The following TASOR2 variants were observed in gnomAD, a reference collection of about 807,000 sequenced individuals.
TASOR2 encodes transcription activation suppressor family member 2.
Under a neutral mutation model 199.5 loss-of-function variants are expected in TASOR2, and 84 were observed. That is an observed-to-expected ratio of 0.42 (90% CI 0.35 to 0.50). The LOEUF (loss-of-function observed/expected upper bound fraction) is 0.50, where lower values mean the gene tolerates loss of function less well. Among genes scored for constraint, TASOR2 ranks in the 20% least tolerant of loss-of-function variants. TASOR2 has a pLI of 0.02. For synonymous variants in TASOR2, 1,103 were observed against 1,046.6 expected (o/e 1.05, Z -1.04); for missense variants, 2,796 against 2,835.9 (o/e 0.99, Z 0.32).
chr10:5,739,489 A>G, intron 12 of TASOR2, 129 bp from the exon 14 acceptor site: 1 of 844,584 alleles, frequency 1.2e-6, no homozygotes. Context: ...CTAATAGAAA[A>G]TTTTAATATG....
In TASOR2 at chr10:5,689,921, A is replaced by T. The variant is rs1378702221; in HGVS notation, c.-288+4746A>T. Reference sequence around the variant, plus strand: ...GAACTAGTCTTTTGGAAGAGGGGGTAGAGTTTTTGACTACTCTTTTCATTT... The same window carrying T: ...GAACTAGTCTTTTGGAAGAGGGGGTTGAGTTTTTGACTACTCTTTTCATTT... On this transcript the variant is annotated intron_variant, in intron 1 of 20. Coordinates refer to ENST00000328090, the Ensembl canonical transcript of TASOR2. The surrounding 1 kb of genome is among the most constrained non-coding windows in gnomAD (Gnocchi z 4.1). Among the ~76,000 whole-genome samples the T allele has an allele frequency of 6.6e-6, 1 of 152,164 alleles. No homozygotes were observed. Among genetic ancestry groups the T allele is most frequent in the Admixed American group, 6.5e-5 (1 of 15,282 alleles).
At chr10:5,758,098 CTTAT>C (rs959303595) in intron 17 of TASOR2, among the ~76,000 whole-genome samples, 1 of 152,182 alleles carries the variant, frequency 6.6e-6, no homozygotes, top group Non-Finnish European at 1.5e-5. Flanking sequence ...ACTAAGTCAG[CTTAT>C]TTAATCATCT....
rs1833682078 is a variant in TASOR2, at chr10:5,723,789, T to G, written c.247+12T>G. ...CTTGGAGGAGAAAGGTCTGTTGAAATGTAATAACACGCTACTTGTCCTGGG... is the reference window on the plus strand; with the variant it reads ...CTTGGAGGAGAAAGGTCTGTTGAAAGGTAATAACACGCTACTTGTCCTGGG... On this transcript the variant is annotated intron_variant, in intron 7 of 20. Transcript: ENST00000328090. The G allele has an allele frequency of 6.4e-7, 1 of 1,564,300 alleles. No homozygotes were observed. The highest frequency in any genetic ancestry group is 1.4e-5 in the African/African-American group (1 of 73,604).
chr10:5,695,788 T>C (rs1171431135), intron 1 of TASOR2, among the ~76,000 whole-genome samples: 1 of 152,186 alleles, frequency 6.6e-6, no homozygotes, highest in Non-Finnish European at 1.5e-5. Context: ...AATTAGAGAA[T>C]GCTGAAAGCT....
At position 5,737,614 on chromosome 10, in the gene TASOR2, A is replaced by T. The variant is rs1486159464; in HGVS notation, c.1448-2004A>T. On this transcript the variant is annotated intron_variant, in intron 12 of 20. Transcript: ENST00000328090. The surrounding 1 kb of genome is among the most constrained non-coding windows in gnomAD (Gnocchi z 4.9). ...CAGGGAGGCGTTTTCTCATGTTGTG[A>T]CTGTAACTAATCTCTCACTTCTTTG... Among the ~76,000 whole-genome samples, 1 of 151,954 alleles carries T rather than the reference A, an allele frequency of 6.6e-6. No individual in the cohort carries two copies. Among genetic ancestry groups the T allele is most frequent in the Non-Finnish European group, 1.5e-5 (1 of 67,998 alleles).
intron 2 of TASOR2, among the ~76,000 whole-genome samples, chr10:5,716,788 A>T (rs1433722977): frequency 6.6e-6 from 1 of 151,902 alleles, no homozygotes; most frequent in African/African-American, 2.4e-5. Flanking sequence ...GGTGGCATGC[A>T]CCTGTAATCC....
In TASOR2 at chr10:5,740,801, T is replaced by A. The variant is rs1332564477; in HGVS notation, c.2327+304T>A. 6.6e-6 allele frequency among the ~76,000 whole-genome samples: 1 copy of A among 152,186 alleles called. No individual in the cohort carries two copies. Among genetic ancestry groups the A allele is most frequent in the East Asian group, 1.9e-4 (1 of 5,198 alleles). On this transcript the variant is annotated intron_variant, in intron 13 of 20. Coordinates refer to ENST00000328090, the Ensembl canonical transcript of TASOR2. This position sits in a 1 kb window ranked among gnomAD's most constrained non-coding sequence, Gnocchi z 5.3. ...TTTGAATTTCAATTTTTAGATGAGA[T>A]CTTAATGTAAAATAGTGTGAGATTT...
chr10:5,693,560 C>G (rs1287887505), intron 1 of TASOR2, among the ~76,000 whole-genome samples: 2 of 152,140 alleles, frequency 1.3e-5, no homozygotes, highest in African/African-American at 4.8e-5. Context: ...GTTTTCTCTA[C>G]ATTTTCTTCA....
rs1044231739 is a variant in TASOR2 at position 5,685,968 on chromosome 10, C to A, written c.-288+793C>A. On this transcript the variant is annotated intron_variant, in intron 1 of 20. Coordinates refer to ENST00000328090, the Ensembl canonical transcript of TASOR2. The surrounding 1 kb of genome is among the most constrained non-coding windows in gnomAD (Gnocchi z 5.4). ...TATTATTGGAATGGCATTCGCGATC[C>A]TAGAGTCTACAGTGTTCCCTGAATA... Among the ~76,000 whole-genome samples the A allele has an allele frequency of 1.3e-5, 2 of 152,160 alleles. No homozygotes were observed. Among genetic ancestry groups the A allele is most frequent in the African/African-American group, 4.8e-5 (2 of 41,436 alleles).
At chr10:5,708,735 T>C (rs1251759745) in intron 1 of TASOR2, among the ~76,000 whole-genome samples, 1 of 150,998 alleles carries the variant, frequency 6.6e-6, no homozygotes, top group Non-Finnish European at 1.5e-5. Flanking sequence ...ATGGTCTGGC[T>C]CTGTTACCCA....
chr10:5,730,283 G>A lies in TASOR2; in HGVS notation c.488-204G>A, dbSNP rs1834629304. 6.6e-6 allele frequency among the ~76,000 whole-genome samples: 1 copy of A among 152,086 alleles called. No homozygotes were observed. Among genetic ancestry groups the A allele is most frequent in the Admixed American group, 6.6e-5 (1 of 15,264 alleles). ...ATGATTCTTTTTCAGTTCAGTGTGT[G>A]TGTGTATGTAATTTCAAGTATATGG... On this transcript the variant is annotated intron_variant, in intron 10 of 20. Transcript: ENST00000328090. The surrounding 1 kb of genome is among the most constrained non-coding windows in gnomAD (Gnocchi z 4.1).
At chr10:5,756,406 A>G (rs1377942398) in intron 15 of TASOR2, among the ~76,000 whole-genome samples, 1 of 152,086 alleles carries the variant, frequency 6.6e-6, no homozygotes, top group Non-Finnish European at 1.5e-5. Context: ...TACTTTATTT[A>G]CCTTTGAAAT....
Position 5,748,095 on chromosome 10 carries a change from G to A in TASOR2, c.4674G>A (p.Glu1558=). 1 of 1,614,238 alleles carries A rather than the reference G, an allele frequency of 6.2e-7. No homozygotes were observed. The highest frequency in any genetic ancestry group is 8.5e-7 in the Non-Finnish European group (1 of 1,180,036). The change falls in exon 15 of 21, where the codon GAG becomes GAA. Residue 1558 remains glutamate, a synonymous_variant. Transcript: ENST00000328090. The surrounding 1 kb of genome is among the most constrained non-coding windows in gnomAD (Gnocchi z 5.1). ...ATCCATTGCAGCCAGTTAGTATAGA[G>A]AATAGAAATTTGGACTTAAAACATC...
At chr10:5,700,714 C>A (rs953796371) in intron 1 of TASOR2, among the ~76,000 whole-genome samples, 1 of 151,948 alleles carries the variant, frequency 6.6e-6, no homozygotes, top group Non-Finnish European at 1.5e-5. Context: ...CACCTCTTGG[C>A]CATTTTTATG....
chr10:5,759,071 C>T lies in TASOR2; in HGVS notation c.6992+79C>T, dbSNP rs1357209134. ...ACGCCTCATGTTCCATGGGCTCTAGCCTAGTGCTGCAGTGGAATGGCCTTC... is the reference window on the plus strand; with the variant it reads ...ACGCCTCATGTTCCATGGGCTCTAGTCTAGTGCTGCAGTGGAATGGCCTTC... On this transcript the variant is annotated intron_variant, in intron 18 of 20. Transcript: ENST00000328090. 3 of 972,138 alleles carry T rather than the reference C, an allele frequency of 3.1e-6. No individual in the cohort carries two copies. In the East Asian group the frequency reaches 7.3e-5, roughly 24 times the overall value. 60.2% of individuals were successfully genotyped at this position (972,138 alleles called of 1,614,324 possible).
chr10:5,695,263 C>T (rs906135735), intron 1 of TASOR2, among the ~76,000 whole-genome samples: 12 of 152,068 alleles, frequency 7.9e-5, no homozygotes, highest in Non-Finnish European at 1.3e-4. Flanking sequence ...TTGCTTGGCT[C>T]ATTAAGGAAA....
exon 15 of TASOR2, chr10:5,747,430 G>T (rs752617476): frequency 6.2e-7 from 1 of 1,614,188 alleles, no homozygotes; most frequent in Non-Finnish European, 8.5e-7. Context: ...AAGCAGAGAA[G>T]TGAGTTCTGC....
At position 5,761,486 on chromosome 10, in the gene TASOR2, C is replaced by T. The variant is rs758545599; in HGVS notation, c.7174+15C>T. The stretch of plus-strand genomic sequence containing the variant: ...CCTCCTAACAGGTAATTCACAGGCG[C>T]ATTTTACTCAGTTAATGCCAAAATT... On this transcript the variant is annotated intron_variant, in intron 19 of 20. Transcript: ENST00000328090. 3 of 1,605,614 alleles carry T rather than the reference C, an allele frequency of 1.9e-6. No individual in the cohort carries two copies. The highest frequency in any genetic ancestry group is 1.7e-5 in the Admixed American group (1 of 59,882).
At chr10:5,721,193 T>C (rs1439607003) in intron 6 of TASOR2, among the ~76,000 whole-genome samples, 1 of 152,174 alleles carries the variant, frequency 6.6e-6, no homozygotes, top group African/African-American at 2.4e-5. Context: ...TAAATTAAAC[T>C]ATTAGATACT....
Sources: gnomAD v4.1 joint callset for allele counts (sites outside exome capture counted in the v4.1 genomes callset) on GRCh38, gnomAD v4.1.1 for gene constraint, Gnocchi (gnomAD v3.1) non-coding constraint, MANE v1.5 for transcripts, NCBI Gene and HGNC (gene_info 2026-07-23, HGNC 2026-07-21) for gene names.